Variants in LACTBL1 observed in about 807,000 individuals in gnomAD.
The protein encoded by LACTBL1 is beta-lactamase-like protein 1.
LACTBL1 carries 29 observed loss-of-function variants against 39.6 expected under a neutral mutation model. That is an observed-to-expected ratio of 0.73 (90% CI 0.55 to 1.00). The LOEUF is 1.00. Ranked by LOEUF, LACTBL1 falls within the 50% of genes least tolerant of loss-of-function variation. The pLI, the probability that LACTBL1 is intolerant of heterozygous loss-of-function variation, is 0.00. For missense variants in LACTBL1, 711 were observed against 748.5 expected (o/e 0.95, Z 0.59); for synonymous variants, 361 against 360.7 (o/e 1.00, Z -0.01).
At chr1:22,965,251 G>A (rs1640865266) in intron 1 of LACTBL1, 39 bp downstream of exon 3, 1 of 1,304,460 alleles carries the variant, frequency 7.7e-7, no homozygotes, top group Non-Finnish European at 9.8e-7. Context: ...AGGACCCAGG[G>A]GGCTATGGGG....
At chr1:22,961,108 T>C (rs777099376) in intron 2 of LACTBL1, among the ~76,000 whole-genome samples, 2 of 152,122 alleles carry the variant, frequency 1.3e-5, no homozygotes, top group Non-Finnish European at 1.5e-5. Flanking sequence ...ACCTCATCAT[T>C]TTCAATGATG....
chr1:22,959,944 G>C lies in LACTBL1; in HGVS notation c.315C>G (p.Tyr105Ter), dbSNP rs1341728571. Reference sequence around the variant, plus strand: ...ACCCTAGAGATCACCCAGCTGACCTGTACATGGTGTACTCATTGGGGGCCC... The same window carrying C: ...ACCCTAGAGATCACCCAGCTGACCTCTACATGGTGTACTCATTGGGGGCCC... Residue 105 changes from tyrosine to a stop codon, truncating the protein, a stop_gained and splice_region_variant, in exon 3 of 6, where the codon TAC becomes TAG. Coordinates refer to ENST00000426928, the Ensembl canonical transcript of LACTBL1. LOFTEE classifies it high-confidence loss of function. The C allele has an allele frequency of 1.9e-6, 3 of 1,551,174 alleles. No individual in the cohort carries two copies. Among genetic ancestry groups the C allele is most frequent in the Non-Finnish European group, 2.6e-6 (3 of 1,147,128 alleles).
intron 1 of LACTBL1, among the ~76,000 whole-genome samples, chr1:22,963,957 G>T (rs536497221): frequency 6.6e-6 from 1 of 152,236 alleles, no homozygotes; most frequent in Non-Finnish European, 1.5e-5. Context: ...GTCTCACCCT[G>T]TTGCCCAGGC....
chr1:22,959,964 G>C, exon 3 of LACTBL1: 2 of 1,551,108 alleles, frequency 1.3e-6, no homozygotes, highest in Non-Finnish European at 1.7e-6. Flanking sequence ...TACTCATTGG[G>C]GGCCCCAGAA....
chr1:22,958,507 C>T (rs1186965421), intron 4 of LACTBL1, among the ~76,000 whole-genome samples, 178 bp downstream of exon 6: 1 of 152,236 alleles, frequency 6.6e-6, no homozygotes, highest in East Asian at 1.9e-4. Flanking sequence ...TTCAGTTCAG[C>T]TTTTACCTCG....
chr1:22,955,507 T>G (rs1640752960), intron 4 of LACTBL1, 81 bp from the exon 7 acceptor site: 2 of 835,864 alleles, frequency 2.4e-6, no homozygotes, highest in Non-Finnish European at 3.8e-6. Flanking sequence ...CCTCCCCACC[T>G]TCCGTGAGTT....
intron 4 of LACTBL1, 107 bp from the exon 7 acceptor site, chr1:22,955,533 C>T: frequency 1.4e-6 from 1 of 691,840 alleles, no homozygotes; most frequent in South Asian, 1.8e-5. Flanking sequence ...ATAACAACAA[C>T]AAATCAGTTT....
chr1:22,964,696 C>T (rs1389456649), intron 1 of LACTBL1, among the ~76,000 whole-genome samples: 1 of 152,188 alleles, frequency 6.6e-6, no homozygotes, highest in Non-Finnish European at 1.5e-5. Context: ...TAGGGTGGTC[C>T]CAGCTAGAGC....
exon 6 of LACTBL1, chr1:22,954,008 G>A: frequency 6.5e-7 from 1 of 1,539,478 alleles, no homozygotes; most frequent in African/African-American, 1.4e-5. Context: ...GAGAAGGCCA[G>A]CGTGCTGTAA....
chr1:22,969,585 T>C (rs1193241622), upstream of LACTBL1, among the ~76,000 whole-genome samples: 1 of 152,164 alleles, frequency 6.6e-6, no homozygotes. Context: ...TCCAGCGAAC[T>C]CCGCCAGCCC....
chr1:22,953,915 C>G, exon 6 of LACTBL1: 2 of 1,550,318 alleles, frequency 1.3e-6, no homozygotes, highest in Non-Finnish European at 1.7e-6. Flanking sequence ...TCTGCCATCC[C>G]CAGCGGCTCC....
At chr1:22,957,015 A>G (rs1321263975) in intron 4 of LACTBL1, among the ~76,000 whole-genome samples, 3 of 152,068 alleles carry the variant, frequency 2.0e-5, no homozygotes, top group Admixed American at 6.6e-5. Context: ...AAGCTAATAT[A>G]TACTACATAC....
At position 22,963,232 on chromosome 1, in the gene LACTBL1, C is replaced by T. The variant is rs1640843929; in HGVS notation, c.50-16G>A. The T allele has an allele frequency of 7.7e-7, 1 of 1,302,444 alleles. No individual in the cohort carries two copies. The highest frequency in any genetic ancestry group is 1.0e-6 in the Non-Finnish European group (1 of 999,862). The allele number at this position is 1,302,444 out of a possible 1,614,324, so 80.7% of individuals were successfully genotyped here. The stretch of plus-strand genomic sequence containing the variant: ...CCCAGGGAACCTGGAGGGAACATCA[C>T]ATGGTGAGGAGGGGACAGAGATCAG... On this transcript the variant is annotated splice_polypyrimidine_tract_variant and intron_variant, in intron 1 of 5. Transcript: ENST00000426928.
chr1:22,953,871 C>A lies in LACTBL1; in HGVS notation c.813G>T (p.Ala271=), dbSNP rs948433850. Residue 271 remains alanine, a synonymous_variant, in exon 6 of 6, where the codon GCG becomes GCT. Coordinates refer to ENST00000426928, the Ensembl canonical transcript of LACTBL1. ...TGCCGTAGAAGCCCGCGGCCAGGCG[C>A]GCGCGCACGTCGGGCGTGAGGTCAA... The A allele has an allele frequency of 6.5e-6, 10 of 1,548,898 alleles. No individual in the cohort carries two copies. The African/African-American group carries it at 1.1e-4, about 17-fold the overall frequency.
exon 1 of LACTBL1, chr1:22,965,310 T>G (rs1570502774): frequency 7.6e-7 from 1 of 1,316,378 alleles, no homozygotes; most frequent in South Asian, 2.4e-5. Flanking sequence ...CTTGGGGAGG[T>G]GATACTGCCA....
chr1:22,972,147 ATGATGATGATG>A, the LACTBL1 span, among the ~76,000 whole-genome samples: 7 of 13,162 alleles, frequency 5.3e-4, no homozygotes, highest in African/African-American at 9.0e-4. Context: ...AGAGATGATG[ATGATGATGATG>A]ATGATGATGA....
At chr1:22,958,538 C>T in intron 4 of LACTBL1, 147 bp downstream of exon 6, 1 of 645,836 alleles carries the variant, frequency 1.5e-6, no homozygotes, top group Non-Finnish European at 2.6e-6. Context: ...CTTTCCCTGG[C>T]CCACCACCCA....
At chr1:22,959,679 GT>G (rs1419308076) in intron 3 of LACTBL1, among the ~76,000 whole-genome samples, 7 of 152,236 alleles carry the variant, frequency 4.6e-5, no homozygotes, top group Non-Finnish European at 8.8e-5. Flanking sequence ...GCCTTTTCTA[GT>G]TTGGGAGGTT....
At chr1:22,962,531 T>C (rs1640835747) in intron 2 of LACTBL1, among the ~76,000 whole-genome samples, 1 of 152,140 alleles carries the variant, frequency 6.6e-6, no homozygotes, top group Non-Finnish European at 1.5e-5. Context: ...TTGGGGAGCA[T>C]GGAGTGTTTA....
Sources: allele counts gnomAD v4.1 joint callset (sites outside exome capture counted in the v4.1 genomes callset), GRCh38; gene constraint gnomAD v4.1.1; transcripts MANE v1.5; gene names NCBI Gene and HGNC (gene_info 2026-07-23, HGNC 2026-07-21).